Variants in TAFA1 observed in about 807,000 individuals in gnomAD.
TAFA1 encodes chemokine-like protein TAFA-1.
A neutral mutation model predicts 18.5 loss-of-function variants in TAFA1; 4 were observed. The ratio of observed to expected loss-of-function variants is 0.22; its 90% CI spans 0.11 to 0.49. TAFA1 has a LOEUF of 0.49. Among genes scored for constraint, TAFA1 ranks in the 20% least tolerant of loss-of-function variants. The pLI, the probability that TAFA1 is intolerant of heterozygous loss-of-function variation, is 0.98. For synonymous variants in TAFA1, 56 were observed against 55.2 expected (o/e 1.01, Z -0.06); for missense variants, 147 against 169.0 (o/e 0.87, Z 0.72).
intron 2 of TAFA1, among the ~76,000 whole-genome samples, chr3:68,130,403 T>C (rs1220251825): frequency 6.6e-6 from 1 of 152,158 alleles, no homozygotes; most frequent in Non-Finnish European, 1.5e-5. Flanking sequence ...CTTTCATTTA[T>C]TTCCATTTTT....
chr3:68,286,283 A>G (rs56177705), intron 2 of TAFA1, among the ~76,000 whole-genome samples: 48,445 of 151,822 alleles, frequency 0.32, 7,924 homozygotes, highest in East Asian at 0.4. Context: ...AAAATAGACC[A>G]GTATTAGGTG....
chr3:68,381,290 T>G (rs1427723266), intron 2 of TAFA1, among the ~76,000 whole-genome samples: 1 of 151,630 alleles, frequency 6.6e-6, no homozygotes, highest in Non-Finnish European at 1.5e-5. Flanking sequence ...AAAGTAGTTT[T>G]TTCCAATTCT....
At chr3:68,006,995 AG>A (rs1266073840) in intron 2 of TAFA1, among the ~76,000 whole-genome samples, 1 of 152,184 alleles carries the variant, frequency 6.6e-6, no homozygotes, top group Non-Finnish European at 1.5e-5. Context: ...CACCTTGAAA[AG>A]TAGAAGTCAT....
chr3:68,446,231 G>A (rs1376073704), intron 3 of TAFA1, among the ~76,000 whole-genome samples: 2 of 151,994 alleles, frequency 1.3e-5, no homozygotes, highest in East Asian at 3.9e-4. Context: ...AAGTTTTACT[G>A]TAATACAGCC....
chr3:68,095,295 T>C (rs1465204925), intron 2 of TAFA1, among the ~76,000 whole-genome samples: 1 of 152,212 alleles, frequency 6.6e-6, no homozygotes, highest in East Asian at 1.9e-4. Context: ...CTGAGTTTCA[T>C]TTAAGTGGTG....
intron 2 of TAFA1, among the ~76,000 whole-genome samples, chr3:68,336,017 C>G (rs1034203814): frequency 6.6e-6 from 1 of 152,168 alleles, no homozygotes; most frequent in African/African-American, 2.4e-5. Context: ...AAGAAAGAGG[C>G]GAGCCTTGGA....
At chr3:68,092,164 A>G (rs1268514705) in intron 2 of TAFA1, among the ~76,000 whole-genome samples, 1 of 152,032 alleles carries the variant, frequency 6.6e-6, no homozygotes, top group Non-Finnish European at 1.5e-5. Context: ...TAAACCCAAC[A>G]TTGTTCAAAT....
intron 2 of TAFA1, among the ~76,000 whole-genome samples, chr3:68,322,865 C>A (rs1282237860): frequency 6.6e-6 from 1 of 152,110 alleles, no homozygotes; most frequent in Non-Finnish European, 1.5e-5. Context: ...ATCTCTTGAA[C>A]CTTGGAGGCA....
chr3:68,465,077 G>A (rs1559680750), intron 3 of TAFA1, among the ~76,000 whole-genome samples: 1 of 152,080 alleles, frequency 6.6e-6, no homozygotes, highest in Non-Finnish European at 1.5e-5. Context: ...GCTTAGGCGT[G>A]GGCATGTGGC....
chr3:68,536,254 C>G (rs2073277059), intron 3 of TAFA1, among the ~76,000 whole-genome samples: 1 of 152,158 alleles, frequency 6.6e-6, no homozygotes, highest in African/African-American at 2.4e-5. Flanking sequence ...AACCATTCTG[C>G]TTTTAAGTCA....
At chr3:68,122,264 C>G (rs2065408734) in intron 2 of TAFA1, among the ~76,000 whole-genome samples, 1 of 152,006 alleles carries the variant, frequency 6.6e-6, no homozygotes, top group African/African-American at 2.4e-5. Context: ...TTTCCCATTC[C>G]AGCATATGGC....
chr3:68,222,893 G>A lies in TAFA1; in HGVS notation c.119-194387G>A, dbSNP rs371455307. ...TTACCATCTTGGCCAGGCTGGTCTC[G>A]AACTCCTGACCTCAAGCGATCCACC... On this transcript the variant is annotated intron_variant, in intron 2 of 4. Transcript: ENST00000478136. 4.6e-5 allele frequency among the ~76,000 whole-genome samples: 7 copies of A among 152,058 alleles called. No homozygotes were observed. The East Asian group carries it at 7.8e-4, about 17-fold the overall frequency.
At chr3:68,221,839 A>G (rs1274275621) in intron 2 of TAFA1, among the ~76,000 whole-genome samples, 1 of 152,212 alleles carries the variant, frequency 6.6e-6, no homozygotes, top group Non-Finnish European at 1.5e-5. Context: ...CAGAGACACC[A>G]CTAACAATCA....
chr3:68,443,777 G>T (rs1441502470), intron 3 of TAFA1, among the ~76,000 whole-genome samples: 2 of 152,034 alleles, frequency 1.3e-5, no homozygotes, highest in Non-Finnish European at 1.5e-5. Context: ...TTTGGGTGGG[G>T]ACACAGCCAA....
At chr3:68,274,925 A>G (rs2067764748) in intron 2 of TAFA1, among the ~76,000 whole-genome samples, 1 of 152,086 alleles carries the variant, frequency 6.6e-6, no homozygotes, top group Non-Finnish European at 1.5e-5. Flanking sequence ...GTTGTTGCAA[A>G]ATTAACATAG....
intron 2 of TAFA1, among the ~76,000 whole-genome samples, chr3:68,397,336 G>A (rs542735307): frequency 1.3e-5 from 2 of 152,116 alleles, no homozygotes; most frequent in African/African-American, 2.4e-5. Flanking sequence ...AACAGGCCCC[G>A]GTGTGTGATG....
In TAFA1 at chr3:68,338,701, A is replaced by G. The variant is rs75287033; in HGVS notation, c.119-78579A>G. 0.011 allele frequency among the ~76,000 whole-genome samples: 1,616 copies of G among 152,360 alleles called. 82 individuals are homozygous for G. In the East Asian group the frequency reaches 0.16, roughly 15 times the overall value. Reference sequence around the variant, plus strand: ...ACCTGTATACAAGGTTGATTTACATAAACTATCATGAAGAAAGTTTTTAAT... The same window carrying G: ...ACCTGTATACAAGGTTGATTTACATGAACTATCATGAAGAAAGTTTTTAAT... On this transcript the variant is annotated intron_variant, in intron 2 of 4. Coordinates refer to ENST00000478136, the MANE Select transcript of TAFA1 (RefSeq NM_213609.4).
intron 3 of TAFA1, among the ~76,000 whole-genome samples, chr3:68,426,104 T>C (rs1315131750): frequency 1.3e-5 from 2 of 151,902 alleles, no homozygotes; most frequent in African/African-American, 4.8e-5. Context: ...AAGTAATATA[T>C]ATAATCTGTT....
chr3:68,196,555 T>A (rs1559555048), intron 2 of TAFA1, among the ~76,000 whole-genome samples: 1 of 151,912 alleles, frequency 6.6e-6, no homozygotes, highest in East Asian at 1.9e-4. Flanking sequence ...CTAAATATTT[T>A]CAAAGCCCCA....
Sources: allele counts gnomAD v4.1 joint callset (sites outside exome capture counted in the v4.1 genomes callset), GRCh38; gene constraint gnomAD v4.1.1; transcripts MANE v1.5; gene names NCBI Gene and HGNC (gene_info 2026-07-23, HGNC 2026-07-21).